Variants in ATP6V1B2 observed in about 807,000 individuals in gnomAD.
The protein encoded by ATP6V1B2 is V-type proton ATPase subunit B, brain isoform.
Under a neutral mutation model 66.7 loss-of-function variants are expected in ATP6V1B2, and 23 were observed. The observed-to-expected ratio is 0.34, with a 90% CI of 0.25 to 0.49. ATP6V1B2 has a LOEUF of 0.49. Ranked by LOEUF, ATP6V1B2 falls within the 20% of genes least tolerant of loss-of-function variation. The pLI is 0.99. For missense variants in ATP6V1B2, 478 were observed against 650.8 expected, an observed-to-expected ratio of 0.73 and a Z score of 2.89; for synonymous variants, 278 against 236.7, an observed-to-expected ratio of 1.17 and a Z score of -1.60.
Position 20,209,458 on chromosome 8 carries a change from A to T in ATP6V1B2, c.218A>T (p.His73Leu). 1 of 1,613,928 alleles carries T rather than the reference A, an allele frequency of 6.2e-7. No individual in the cohort carries two copies. Among genetic ancestry groups the T allele is most frequent in the Non-Finnish European group, 8.5e-7 (1 of 1,179,938 alleles). ...TTTCCCAGGTATGCTGAAATTGTCCATTTGACCTTACCGGATGGCACAAAG... is the reference window on the plus strand; with the variant it reads ...TTTCCCAGGTATGCTGAAATTGTCCTTTTGACCTTACCGGATGGCACAAAG... ...VKFPRYAEIVHLTLPDGTKRS... is the reference protein window; with the variant it reads ...VKFPRYAEIVLLTLPDGTKRS... Residue 73 changes from histidine to leucine, a missense_variant, in exon 3 of 14, where the codon CAT becomes CTT. Coordinates refer to ENST00000276390, the MANE Select transcript of ATP6V1B2 (RefSeq NM_001693.4).
intron 1 of ATP6V1B2, among the ~76,000 whole-genome samples, chr8:20,202,509 T>A (rs2072697739): frequency 6.6e-6 from 1 of 152,248 alleles, no homozygotes; most frequent in Non-Finnish European, 1.5e-5. Flanking sequence ...GATACGTTGT[T>A]CCAAATTTAG....
chr8:20,214,802 C>A lies in ATP6V1B2; in HGVS notation c.928-16C>A, dbSNP rs368497874. 3.1e-6 allele frequency: 5 copies of A among 1,605,686 alleles called. No individual in the cohort carries two copies. The East Asian group carries it at 1.1e-4, about 36-fold the overall frequency. On this transcript the variant is annotated splice_polypyrimidine_tract_variant and intron_variant, in intron 9 of 13. Coordinates refer to ENST00000276390, the MANE Select transcript of ATP6V1B2 (RefSeq NM_001693.4). ...TAATATCGTGCATGATACTCTTCTG[C>A]TTGACCTGCTGTCAGGTTTCAGCAG...
At chr8:20,213,301 T>G in intron 9 of ATP6V1B2, 1 of 210,218 alleles carries the variant, frequency 4.8e-6, no homozygotes, top group Non-Finnish European at 9.5e-6. Context: ...CTCACAGTAC[T>G]CTCTTCAGCA....
chr8:20,213,022 A>G, intron 9 of ATP6V1B2, 117 bp downstream of exon 9: 2 of 1,355,822 alleles, frequency 1.5e-6, no homozygotes, highest in South Asian at 1.3e-5. Context: ...TCATATATTA[A>G]TAGAATGCCT....
rs1585256455 is a variant in ATP6V1B2, at chr8:20,220,735, A to G, written c.*333A>G. ...TGGGTCTCTTAGACCTTACCTCTCAACTCCCTCAAGAGTACCAGTCTCTGA... is the reference window on the plus strand; with the variant it reads ...TGGGTCTCTTAGACCTTACCTCTCAGCTCCCTCAAGAGTACCAGTCTCTGA... On this transcript the variant is annotated 3_prime_UTR_variant, in exon 14 of 14. Transcript: ENST00000276390. 1 of 178,832 alleles carries G rather than the reference A, an allele frequency of 5.6e-6. No individual in the cohort carries two copies. The highest frequency in any genetic ancestry group is 1.4e-4 in the East Asian group (1 of 6,914). 11.1% of individuals were successfully genotyped at this position (178,832 alleles called of 1,614,324 possible).
Position 20,199,672 on chromosome 8 carries a change from G to A in ATP6V1B2, c.136+2130G>A, listed in dbSNP as rs559858559. 1.7e-4 allele frequency among the ~76,000 whole-genome samples: 24 copies of A among 143,612 alleles called. No homozygotes were observed. The East Asian group carries it at 5.2e-3, about 31-fold the overall frequency. 94.2% of individuals were successfully genotyped at this position (143,612 alleles called of 152,430 possible). ...CACCCAGGCTGGAGTGCAGAGTGGCGCGATCTAGGCTCGCTGCAACCTCCG... is the reference window on the plus strand; with the variant it reads ...CACCCAGGCTGGAGTGCAGAGTGGCACGATCTAGGCTCGCTGCAACCTCCG... On this transcript the variant is annotated intron_variant, in intron 1 of 13. Coordinates refer to ENST00000276390, the MANE Select transcript of ATP6V1B2 (RefSeq NM_001693.4).
intron 2 of ATP6V1B2, among the ~76,000 whole-genome samples, chr8:20,206,344 G>C (rs2072738364): frequency 6.6e-6 from 1 of 152,148 alleles, no homozygotes; most frequent in East Asian, 1.9e-4. Context: ...AGTCCCACAA[G>C]ACTGCAGTCC....
intron 5 of ATP6V1B2, 107 bp from the exon 6 acceptor site, chr8:20,211,070 C>T (rs1403760374): frequency 5.7e-6 from 8 of 1,398,212 alleles, no homozygotes; most frequent in Middle Eastern, 1.8e-4. Flanking sequence ...TTATGTAGTT[C>T]TGGTCTTCTG....
chr8:20,207,219 T>A (rs1411632957), intron 2 of ATP6V1B2, among the ~76,000 whole-genome samples: 1 of 152,152 alleles, frequency 6.6e-6, no homozygotes, highest in East Asian at 1.9e-4. Context: ...AAAATGAGGA[T>A]TTGGTTCAGT....
intron 12 of ATP6V1B2, among the ~76,000 whole-genome samples, chr8:20,217,904 T>G (rs2128886750): frequency 6.6e-6 from 1 of 152,340 alleles, no homozygotes; most frequent in East Asian, 1.9e-4. Context: ...TTTGAGCTCA[T>G]TAACATATTG....
intron 12 of ATP6V1B2, among the ~76,000 whole-genome samples, chr8:20,217,748 A>T (rs1301920290): frequency 1.3e-5 from 2 of 152,206 alleles, no homozygotes; most frequent in African/African-American, 2.4e-5. Context: ...ATAAGATTGT[A>T]CACTAACACA....
In ATP6V1B2 at chr8:20,220,322, A is replaced by G. The variant is rs2072895292; in HGVS notation, c.1456A>G (p.Ile486Val). 1 of 1,605,720 alleles carries G rather than the reference A, an allele frequency of 6.2e-7. No individual in the cohort carries two copies. The highest frequency in any genetic ancestry group is 2.2e-5 in the East Asian group (1 of 44,656). The change falls in exon 14 of 14, where the codon ATC (isoleucine) becomes GTC (valine). Residue 486 changes from isoleucine (I) to valine (V), a missense_variant. Ile to Val is a conservative substitution (Grantham distance 29, BLOSUM62 3). Transcript: ENST00000276390. The part of the protein sequence containing the change: ...TLDIGWQLLR[I>V]FPKEMLKRIP... ...GGACATTGGCTGGCAGCTACTCCGA[A>G]TCTTCCCCAAAGAAATGCTGAAGAG...
At position 20,209,464 on chromosome 8, in the gene ATP6V1B2, C is replaced by T; in HGVS notation, c.224C>T (p.Thr75Ile). 1 of 1,613,902 alleles carries T rather than the reference C, an allele frequency of 6.2e-7. No homozygotes were observed. Among genetic ancestry groups the T allele is most frequent in the Non-Finnish European group, 8.5e-7 (1 of 1,179,934 alleles). Residue 75 changes from threonine (T) to isoleucine (I), a missense_variant, in exon 3 of 14, where the codon ACC becomes ATC. By Grantham distance (89) the Thr-to-Ile change is moderately conservative. Transcript: ENST00000276390. ...FPRYAEIVHLTLPDGTKRSGQ... is the reference protein window; with the variant it reads ...FPRYAEIVHLILPDGTKRSGQ... ...AGGTATGCTGAAATTGTCCATTTGA[C>T]CTTACCGGATGGCACAAAGAGAAGT...
rs141606891 is a variant in ATP6V1B2, at chr8:20,209,651, C to A, written c.291+120C>A. 3.2e-6 allele frequency: 3 copies of A among 927,516 alleles called. No homozygotes were observed. The Admixed American group carries it at 7.3e-5, about 23-fold the overall frequency. The allele number at this position is 927,516 out of a possible 1,614,324, so 57.5% of individuals were successfully genotyped here. On this transcript the variant is annotated intron_variant, in intron 3 of 13. Coordinates refer to ENST00000276390, the MANE Select transcript of ATP6V1B2 (RefSeq NM_001693.4). ...TTTAGAGTCTTTAGAGATTGGTTAC[C>A]GGCTGCAGGGAAAGAAACTATTATT...
At chr8:20,203,223 T>C (rs374625046) in intron 1 of ATP6V1B2, among the ~76,000 whole-genome samples, 3 of 152,160 alleles carry the variant, frequency 2.0e-5, no homozygotes, top group East Asian at 3.9e-4. Context: ...GGGGCCTCTA[T>C]TGAGACAGTT....
chr8:20,204,608 C>T, intron 2 of ATP6V1B2, 69 bp downstream of exon 2: 1 of 1,371,178 alleles, frequency 7.3e-7, no homozygotes. Flanking sequence ...ATTTAGTATA[C>T]TTTAAATTTT....
chr8:20,220,426 G>T lies in ATP6V1B2; in HGVS notation c.*24G>T, dbSNP rs764715088. The stretch of plus-strand genomic sequence containing the variant: ...AGCTGCTGCTTCTGCATTGCTCCGC[G>T]CTCTTGTGAAATACTGGTTCTGTTT... On this transcript the variant is annotated 3_prime_UTR_variant, in exon 14 of 14. Coordinates refer to ENST00000276390, the MANE Select transcript of ATP6V1B2 (RefSeq NM_001693.4). 12 of 1,528,720 alleles carry T rather than the reference G, an allele frequency of 7.8e-6. No individual in the cohort carries two copies. The Admixed American group carries it at 1.7e-4, about 22-fold the overall frequency. 94.7% of individuals were successfully genotyped at this position (1,528,720 alleles called of 1,614,324 possible). A position where few individuals can be genotyped will look rare whatever the true frequency, so the allele number is the denominator to read the frequency against.
At chr8:20,202,741 A>G (rs563046355) in intron 1 of ATP6V1B2, among the ~76,000 whole-genome samples, 1 of 152,350 alleles carries the variant, frequency 6.6e-6, no homozygotes, top group South Asian at 2.1e-4. Flanking sequence ...CTTGTTGAAA[A>G]AATAAAGAGA....
At chr8:20,199,994 TTGTGTGTGTG>T (rs34916825) in intron 1 of ATP6V1B2, among the ~76,000 whole-genome samples, 1 of 149,368 alleles carries the variant, frequency 6.7e-6, no homozygotes, top group Non-Finnish European at 1.5e-5. Flanking sequence ...ATTATAGTTA[TTGTGTGTGTG>T]TGTGTGTGTG....
Sources: gnomAD v4.1 joint callset for allele counts (sites outside exome capture counted in the v4.1 genomes callset) on GRCh38, gnomAD v4.1.1 for gene constraint, MANE v1.5 for transcripts, NCBI Gene and HGNC (gene_info 2026-07-23, HGNC 2026-07-21) for gene names.